FER1L6: variants seen among roughly 807,000 people sequenced by gnomAD.
FER1L6 encodes fer-1 like family member 6.
FER1L6 carries 177 observed loss-of-function variants against 219.2 expected under a neutral mutation model. That is an observed-to-expected ratio of 0.81 (90% CI 0.71 to 0.91). FER1L6 has a LOEUF of 0.91. Among genes scored for constraint, FER1L6 ranks in the 40% least tolerant of loss-of-function variants. FER1L6 has a pLI of 0.00. For synonymous variants in FER1L6, 768 were observed against 824.3 expected (o/e 0.93, Z 1.17); for missense variants, 2,153 against 2,259.9 (o/e 0.95, Z 0.96).
At chr8:123,903,518 G>GT (rs568369866) in intron 1 of FER1L6, among the ~76,000 whole-genome samples, 163 of 152,236 alleles carry the variant, frequency 1.1e-3, no homozygotes, top group African/African-American at 3.7e-3. Flanking sequence ...TCCAAGAACA[G>GT]TTTTCATATT....
At chr8:124,050,127 CG>C (rs1819943194) in intron 22 of FER1L6, among the ~76,000 whole-genome samples, 1 of 152,118 alleles carries the variant, frequency 6.6e-6, no homozygotes, top group Admixed American at 6.5e-5. Flanking sequence ...ATTGTTGTCT[CG>C]TATACCTTTC....
chr8:123,881,993 A>C (rs1817118185), intron 1 of FER1L6, among the ~76,000 whole-genome samples: 1 of 152,088 alleles, frequency 6.6e-6, no homozygotes, highest in African/African-American at 2.4e-5. Context: ...TTCTATCATC[A>C]CTTTTGAACT....
At chr8:124,095,178 G>A in intron 35 of FER1L6, 140 bp downstream of exon 35, 1 of 1,180,404 alleles carries the variant, frequency 8.5e-7, no homozygotes, top group Non-Finnish European at 1.2e-6. Flanking sequence ...ACAAGTAGGT[G>A]GGGTTGCTAC....
intron 1 of FER1L6, among the ~76,000 whole-genome samples, chr8:123,856,312 A>ATG (rs1266081655): frequency 0.017 from 910 of 52,776 alleles, 134 homozygotes; most frequent in African/African-American, 0.037. Context: ...ATATATATGT[A>ATG]TGTGTATATA....
intron 18 of FER1L6, among the ~76,000 whole-genome samples, chr8:124,030,280 T>C (rs1818898717): frequency 6.6e-6 from 1 of 152,218 alleles, no homozygotes; most frequent in South Asian, 2.1e-4. Context: ...TCATCTGTAG[T>C]CACACGGCTA....
chr8:123,884,166 T>C (rs1817158958), intron 1 of FER1L6, among the ~76,000 whole-genome samples: 1 of 152,208 alleles, frequency 6.6e-6, no homozygotes, highest in Non-Finnish European at 1.5e-5. Context: ...CTAGGTGCCA[T>C]TCACAAAGAA....
chr8:123,982,354 T>A lies in FER1L6; in HGVS notation c.1410+1543T>A, dbSNP rs199718083. Among the ~76,000 whole-genome samples the A allele has an allele frequency of 7.9e-5, 12 of 152,304 alleles. No individual in the cohort carries two copies. The East Asian group carries it at 2.3e-3, about 29-fold the overall frequency. On this transcript the variant is annotated intron_variant, in intron 11 of 40. Transcript: ENST00000522917. ...CATCCAAGTCGAAATATCTTTAAGA[T>A]ATTTTGATGAAGACACTTGAAGCAG...
intron 1 of FER1L6, among the ~76,000 whole-genome samples, chr8:123,886,505 G>C (rs776437798): frequency 1.3e-5 from 2 of 152,278 alleles, no homozygotes; most frequent in Middle Eastern, 3.4e-3. Context: ...GCCATCACCA[G>C]AAGCTGAGTA....
rs1815518630 is a variant in FER1L6, at chr8:123,966,034, T to TG, written c.229dup (p.Glu77GlyfsTer22). ...CAAAACTGTTGACTAAGATCCATGATGGGGAGGTCAGATCCCAAAATTATC... is the reference window on the plus strand; with the variant it reads ...CAAAACTGTTGACTAAGATCCATGATGGGGGAGGTCAGATCCCAAAATTATC... On this transcript the variant is annotated frameshift_variant, in exon 4 of 41. Coordinates refer to ENST00000522917, the MANE Select transcript of FER1L6 (RefSeq NM_001039112.2). LOFTEE classifies it high-confidence loss of function. The TG allele has an allele frequency of 2.5e-6, 4 of 1,613,734 alleles. No individual in the cohort carries two copies. Among genetic ancestry groups the TG allele is most frequent in the Middle Eastern group, 1.7e-4 (1 of 6,060 alleles).
chr8:123,898,287 AT>A (rs1445204502), intron 1 of FER1L6, among the ~76,000 whole-genome samples: 3 of 152,016 alleles, frequency 2.0e-5, no homozygotes, highest in Non-Finnish European at 4.4e-5. Context: ...AAAGTTGAAA[AT>A]TTTAATGTTT....
intron 39 of FER1L6, among the ~76,000 whole-genome samples, chr8:124,107,305 T>C (rs1210331956): frequency 6.6e-6 from 1 of 152,184 alleles, no homozygotes; most frequent in African/African-American, 2.4e-5. Context: ...AAGTGCTCAG[T>C]AAATGTTCTT....
intron 22 of FER1L6, among the ~76,000 whole-genome samples, chr8:124,051,996 T>C (rs989537631): frequency 2.6e-5 from 4 of 152,192 alleles, no homozygotes; most frequent in Non-Finnish European, 2.9e-5. Context: ...AATTCAAGCA[T>C]TGGCTCTAGT....
chr8:123,974,065 A>G (rs963298895), intron 7 of FER1L6, among the ~76,000 whole-genome samples: 2 of 152,226 alleles, frequency 1.3e-5, no homozygotes, highest in Non-Finnish European at 2.9e-5. Flanking sequence ...GATTTGTAGG[A>G]AAGAGAAACT....
intron 14 of FER1L6, among the ~76,000 whole-genome samples, chr8:124,012,046 A>T (rs189088867): frequency 7.1e-4 from 108 of 152,270 alleles, no homozygotes; most frequent in Non-Finnish European, 1.1e-3. Context: ...TGTTTCTCTG[A>T]CATCTTGCAC....
At chr8:124,052,314 G>T (rs1006869898) in intron 22 of FER1L6, among the ~76,000 whole-genome samples, 2 of 152,096 alleles carry the variant, frequency 1.3e-5, no homozygotes, top group Non-Finnish European at 2.9e-5. Flanking sequence ...AGCCACTTTT[G>T]ATGTTCATGT....
chr8:124,005,548 AC>A (rs1386073030), intron 13 of FER1L6, among the ~76,000 whole-genome samples: 4 of 151,974 alleles, frequency 2.6e-5, no homozygotes, highest in Non-Finnish European at 4.4e-5. Context: ...CTTTGTCCTC[AC>A]CTCCCCCAAG....
At chr8:124,055,152 A>G (rs886540343) in intron 22 of FER1L6, among the ~76,000 whole-genome samples, 1 of 152,174 alleles carries the variant, frequency 6.6e-6, no homozygotes, top group African/African-American at 2.4e-5. Context: ...ACAGTAAAAT[A>G]TTTTGTCTGA....
intron 33 of FER1L6, among the ~76,000 whole-genome samples, chr8:124,085,676 G>C (rs1821751967): frequency 6.6e-6 from 1 of 152,164 alleles, no homozygotes; most frequent in South Asian, 2.1e-4. Context: ...CATGTGCTAA[G>C]GAGAAGAATG....
At position 123,975,945 on chromosome 8, in the gene FER1L6, GA is replaced by G. The variant is rs767857272; in HGVS notation, c.732del (p.Arg244SerfsTer4). 24 of 1,613,546 alleles carry G rather than the reference GA, an allele frequency of 1.5e-5. No individual in the cohort carries two copies. The African/African-American group carries it at 2.3e-4, about 15-fold the overall frequency. On this transcript the variant is annotated frameshift_variant, in exon 9 of 41. Coordinates refer to ENST00000522917, the MANE Select transcript of FER1L6 (RefSeq NM_001039112.2). LOFTEE classifies it high-confidence loss of function. The part of the protein sequence containing the change: ...NGFPLERPWA[R>X]FYVRLYKAEG... ...TTTCCACTGGAGAGACCGTGGGCCA[GA>G]TTCTATGTGAGACTCTACAAAGCAG...
Sources: allele counts gnomAD v4.1 joint callset (sites outside exome capture counted in the v4.1 genomes callset), GRCh38; gene constraint gnomAD v4.1.1; transcripts MANE v1.5; gene names NCBI Gene and HGNC (gene_info 2026-07-23, HGNC 2026-07-21).